Variants in MRPL43 observed in about 807,000 individuals in gnomAD.
MRPL43 encodes the protein large ribosomal subunit protein mL43.
In MRPL43, 9 loss-of-function variants were observed where a neutral mutation model predicts 12.7. The observed-to-expected ratio is 0.71, with a 90% CI of 0.43 to 1.24. The LOEUF (loss-of-function observed/expected upper bound fraction) is 1.24. MRPL43 is among the 50% of genes most tolerant of loss of function. The pLI is 0.00. For synonymous variants in MRPL43, 116 were observed against 96.4 expected, an observed-to-expected ratio of 1.20 and a Z score of -1.19; for missense variants, 211 against 229.2, an observed-to-expected ratio of 0.92 and a Z score of 0.51.
chr10:100,978,889 G>A, downstream of MRPL43: 1 of 1,614,230 alleles, frequency 6.2e-7, no homozygotes, highest in Non-Finnish European at 8.5e-7. Context: ...GGGAGAGCAA[G>A]GCCAGTGCAG....
rs1469444940 is a variant in MRPL43, at chr10:100,987,111, G to A, written c.217C>T (p.Pro73Ser). 1 of 1,613,740 alleles carries A rather than the reference G, an allele frequency of 6.2e-7. No individual in the cohort carries two copies. Among genetic ancestry groups the A allele is most frequent in the Non-Finnish European group, 8.5e-7 (1 of 1,180,036 alleles). Residue 73 changes from proline (P) to serine (S), a missense_variant, in exon 2 of 3, where the codon CCC (proline) becomes TCC (serine). Coordinates refer to ENST00000318364, the MANE Select transcript of MRPL43 (RefSeq NM_032112.3). ...TCACGGTATTCGGCCACTACTCTGG[G>A]CACGCAGCACGGACGCGAGTTTACA... ...IYVNSRPCCV[P>S]RVVAEYLNGA... is the part of the protein sequence containing the mutation.
downstream of MRPL43, among the ~76,000 whole-genome samples, chr10:100,982,837 G>A (rs1489527244): frequency 6.6e-6 from 1 of 151,386 alleles, no homozygotes. Flanking sequence ...AGAGAAGGGA[G>A]ACTCCCAGGT....
chr10:100,985,020 T>G, downstream of MRPL43: 1 of 1,102,502 alleles, frequency 9.1e-7, no homozygotes, highest in African/African-American at 1.6e-5. Context: ...ACCTGTCTGT[T>G]GGGTTTAGTC....
At chr10:100,979,116 G>A (rs1850933809), downstream of MRPL43, 1 of 1,614,150 alleles carries the variant, frequency 6.2e-7, no homozygotes, top group Admixed American at 1.7e-5. Context: ...ACCTGGGAGG[G>A]AAGAAGATCC....
At chr10:100,985,163 A>G (rs533032857), downstream of MRPL43, 1 of 390,794 alleles carries the variant, frequency 2.6e-6, no homozygotes, top group East Asian at 3.8e-5. Context: ...CTTCCTCTAG[A>G]CTACAGCAGG....
At chr10:100,979,125 C>A, downstream of MRPL43, 4 of 1,614,162 alleles carry the variant, frequency 2.5e-6, no homozygotes, top group Non-Finnish European at 3.4e-6. Flanking sequence ...GGAAGAAGAT[C>A]CTGCAGAAGA....
At chr10:100,978,184 C>T, downstream of MRPL43, 1 of 707,156 alleles carries the variant, frequency 1.4e-6, no homozygotes, top group Admixed American at 2.5e-5. Context: ...ATCTGCCATA[C>T]AACCTGCCCC....
chr10:100,980,679 A>G (rs1307458129), downstream of MRPL43: 1 of 1,613,622 alleles, frequency 6.2e-7, no homozygotes, highest in Admixed American at 1.7e-5. Context: ...AAATCTAGTC[A>G]TCTCTCTATT....
At chr10:100,978,134 G>A (rs1196433201), downstream of MRPL43, 3 of 610,046 alleles carry the variant, frequency 4.9e-6, no homozygotes, top group African/African-American at 3.7e-5. Flanking sequence ...AGGCCATAAG[G>A]TCATTCTCAG....
At chr10:100,983,854 G>C, downstream of MRPL43, 1 of 1,583,886 alleles carries the variant, frequency 6.3e-7, no homozygotes, top group East Asian at 2.3e-5. Context: ...GAGGGGGCTG[G>C]GGGCCTGGAG....
downstream of MRPL43, chr10:100,979,418 C>G: frequency 6.4e-7 from 1 of 1,562,738 alleles, no homozygotes; most frequent in Non-Finnish European, 8.7e-7. Flanking sequence ...GAGTCTTGCT[C>G]TGTTGCCAGG....
At chr10:100,979,794 G>A (rs1158195931), downstream of MRPL43, 4 of 1,599,816 alleles carry the variant, frequency 2.5e-6, no homozygotes, top group African/African-American at 1.3e-5. Flanking sequence ...CACGAGTTGG[G>A]GGGCAGGCTT....
At chr10:100,980,767 T>C, downstream of MRPL43, 1 of 1,603,032 alleles carries the variant, frequency 6.2e-7, no homozygotes, top group East Asian at 2.2e-5. Context: ...GGGCAGAGGC[T>C]GTGTATCTGT....
chr10:100,977,858 A>C, downstream of MRPL43: 3 of 764,038 alleles, frequency 3.9e-6, no homozygotes, highest in Non-Finnish European at 6.8e-6. Flanking sequence ...ACTTCCATAC[A>C]GGGCACTCCA....
downstream of MRPL43, chr10:100,978,630 T>A (rs1184542680): frequency 6.2e-7 from 1 of 1,613,524 alleles, no homozygotes; most frequent in Non-Finnish European, 8.5e-7. Flanking sequence ...CACCAATGCA[T>A]TGGCTCAATG....
downstream of MRPL43, chr10:100,986,143 G>T (rs1257520616): frequency 3.1e-6 from 1 of 324,246 alleles, no homozygotes; most frequent in Non-Finnish European, 4.9e-6. Context: ...CAGGGGTCAG[G>T]CCTAGATTAA....
At chr10:100,978,451 G>A, downstream of MRPL43, 1 of 1,596,260 alleles carries the variant, frequency 6.3e-7, no homozygotes, top group South Asian at 1.1e-5. Flanking sequence ...TCATCTCTAG[G>A]ACCTGCCACC....
At chr10:100,985,981 C>G (rs1564802961), downstream of MRPL43, 1 of 152,522 alleles carries the variant, frequency 6.6e-6, no homozygotes, top group Non-Finnish European at 1.5e-5. Context: ...CTGCCCTTCC[C>G]CAAGGTTCTC....
At chr10:100,980,167 G>A (rs767502487), downstream of MRPL43, 1 of 1,614,242 alleles carries the variant, frequency 6.2e-7, no homozygotes, top group Non-Finnish European at 8.5e-7. Flanking sequence ...TTCATCCCAA[G>A]ACTTGCCATC....
Sources: allele counts gnomAD v4.1 joint callset (sites outside exome capture counted in the v4.1 genomes callset), GRCh38; gene constraint gnomAD v4.1.1; transcripts MANE v1.5; gene names NCBI Gene and HGNC (gene_info 2026-07-23, HGNC 2026-07-21).